CCNI: variants seen among roughly 807,000 people sequenced by gnomAD.
CCNI encodes cyclin-I.
CCNI carries 14 observed loss-of-function variants against 34.1 expected under a neutral mutation model. That is an observed-to-expected ratio of 0.41 (90% CI 0.27 to 0.64). The LOEUF (loss-of-function observed/expected upper bound fraction) is 0.64. Among genes scored for constraint, CCNI ranks in the 30% least tolerant of loss-of-function variants. CCNI has a pLI of 0.31. For missense variants in CCNI, 385 were observed against 440.5 expected (o/e 0.87, Z 1.13); for synonymous variants, 154 against 158.4 (o/e 0.97, Z 0.21).
rs974037239 is a variant in CCNI, at chr4:77,075,975, A to G, written c.-547T>C. ...GCGCTGCCGCGTCCGCTCGCGGGGAAGGCTGGGGAGGGAGGGGAAGAGAGG... is the reference window on the plus strand; with the variant it reads ...GCGCTGCCGCGTCCGCTCGCGGGGAGGGCTGGGGAGGGAGGGGAAGAGAGG... On this transcript the variant is annotated 5_prime_UTR_variant, in exon 1 of 7. Transcript: ENST00000237654. 1 of 149,282 alleles carries G rather than the reference A, an allele frequency of 6.7e-6. No individual in the cohort carries two copies. Among genetic ancestry groups the G allele is most frequent in the Non-Finnish European group, 1.5e-5 (1 of 67,310 alleles). 9.2% of individuals were successfully genotyped at this position (149,282 alleles called of 1,614,324 possible).
At chr4:77,071,267 G>A (rs1314352312) in intron 1 of CCNI, among the ~76,000 whole-genome samples, 1 of 152,082 alleles carries the variant, frequency 6.6e-6, no homozygotes, top group Non-Finnish European at 1.5e-5. Context: ...AAGGTATCTG[G>A]TCAAAGAAGA....
chr4:77,056,870 C>T (rs549512033), intron 3 of CCNI, among the ~76,000 whole-genome samples: 4 of 152,154 alleles, frequency 2.6e-5, no homozygotes, highest in South Asian at 2.1e-4. Flanking sequence ...GGATTACAGG[C>T]GTCAGCCACC....
In CCNI at chr4:77,075,594, G is replaced by C. The variant is rs965508488; in HGVS notation, c.-166C>G. On this transcript the variant is annotated 5_prime_UTR_variant, in exon 1 of 7. Coordinates refer to ENST00000237654, the MANE Select transcript of CCNI (RefSeq NM_006835.3). ...TCATAGGCGCGCGGAGGCGGTGCGC[G>C]CGGGACGACTCGGCCAACTGAGGAG... 1.0e-6 allele frequency: 1 copy of C among 987,812 alleles called. No individual in the cohort carries two copies. Among genetic ancestry groups the C allele is most frequent in the Non-Finnish European group, 1.2e-6 (1 of 830,198 alleles). 61.2% of individuals were successfully genotyped at this position (987,812 alleles called of 1,614,324 possible).
intron 1 of CCNI, among the ~76,000 whole-genome samples, chr4:77,067,724 C>T (rs1451200661): frequency 2.1e-5 from 3 of 141,988 alleles, no homozygotes; most frequent in African/African-American, 8.1e-5. Context: ...CTCACGCAGT[C>T]CTCCTGGCTT....
chr4:77,054,180 A>G (rs1355440226), intron 6 of CCNI, among the ~76,000 whole-genome samples: 1 of 152,186 alleles, frequency 6.6e-6, no homozygotes, highest in Admixed American at 6.5e-5. Context: ...AAGATCAATT[A>G]TAACTTTCTT....
intron 6 of CCNI, among the ~76,000 whole-genome samples, chr4:77,054,670 A>T (rs777740467): frequency 1.4e-4 from 22 of 152,240 alleles, no homozygotes; most frequent in Non-Finnish European, 2.9e-4. Flanking sequence ...TGGAACTGCC[A>T]GGGAAAAACC....
intron 2 of CCNI, 73 bp from the exon 3 acceptor site, chr4:77,058,708 T>G: frequency 7.5e-7 from 1 of 1,334,046 alleles, no homozygotes; most frequent in East Asian, 2.4e-5. Flanking sequence ...GAATTCTCTC[T>G]CATAAAAGGT....
intron 1 of CCNI, among the ~76,000 whole-genome samples, chr4:77,070,397 G>A (rs1729368848): frequency 6.6e-6 from 1 of 150,376 alleles, no homozygotes; most frequent in Non-Finnish European, 1.5e-5. Flanking sequence ...ACTCTTAGGA[G>A]ACTTTCTCAG....
intron 1 of CCNI, among the ~76,000 whole-genome samples, chr4:77,070,707 T>C (rs1014488594): frequency 6.6e-6 from 1 of 152,146 alleles, no homozygotes; most frequent in African/African-American, 2.4e-5. Flanking sequence ...AAACGGAATG[T>C]AGGCCAGGTG....
At chr4:77,055,811 T>C (rs908704990) in intron 5 of CCNI, 151 bp downstream of exon 5, 2 of 651,730 alleles carry the variant, frequency 3.1e-6, no homozygotes, top group Non-Finnish European at 5.1e-6. Context: ...TTCAGTGATA[T>C]GACATATATA....
intron 1 of CCNI, chr4:77,074,870 A>C (rs972894737): frequency 2.6e-5 from 4 of 152,212 alleles, no homozygotes; most frequent in Non-Finnish European, 5.9e-5. Flanking sequence ...CCCTAGCTCC[A>C]GCGGAGGCTC....
At position 77,075,560 on chromosome 4, in the gene CCNI, A is replaced by G. The variant is rs566044786; in HGVS notation, c.-132T>C. On this transcript the variant is annotated 5_prime_UTR_variant, in exon 1 of 7. Coordinates refer to ENST00000237654, the MANE Select transcript of CCNI (RefSeq NM_006835.3). ...CGGGGTCATCCGGGGGCCCGTTACC[A>G]CCTCATTCTCATAGGCGCGCGGAGG... 22 of 988,094 alleles carry G rather than the reference A, an allele frequency of 2.2e-5. No homozygotes were observed. The highest frequency in any genetic ancestry group is 1.2e-4 in the Admixed American group (2 of 16,278). The allele number at this position is 988,094 out of a possible 1,614,324, so 61.2% of individuals were successfully genotyped here. A position where few individuals can be genotyped will look rare whatever the true frequency, so the allele number is the denominator to read the frequency against.
intron 6 of CCNI, among the ~76,000 whole-genome samples, chr4:77,050,314 T>C (rs1259911118): frequency 6.6e-6 from 1 of 152,192 alleles, no homozygotes. Context: ...GTCTTACTTA[T>C]CCTCATATAA....
At chr4:77,055,889 A>G in intron 5 of CCNI, 73 bp downstream of exon 5, 1 of 1,218,250 alleles carries the variant, frequency 8.2e-7, no homozygotes, top group African/African-American at 1.5e-5. Context: ...ATAAATGAGT[A>G]GGCAATCTAT....
At chr4:77,075,394 G>A (rs1265872630) in intron 1 of CCNI, 78 bp downstream of exon 1, 10 of 499,380 alleles carry the variant, frequency 2.0e-5, no homozygotes, top group Non-Finnish European at 2.6e-5. Flanking sequence ...GGCGGCGCGG[G>A]GGGAGCAGCG....
intron 6 of CCNI, 36 bp from the exon 7 acceptor site, chr4:77,048,698 A>T (rs4252948): frequency 4.2e-5 from 61 of 1,459,418 alleles, no homozygotes; most frequent in Non-Finnish European, 5.6e-5. Flanking sequence ...CACACAGTTG[A>T]TCATTAATTA....
chr4:77,052,351 T>A (rs1727915239), intron 6 of CCNI, among the ~76,000 whole-genome samples: 1 of 152,182 alleles, frequency 6.6e-6, no homozygotes, highest in Admixed American at 6.5e-5. Context: ...GTACTTTGAC[T>A]ACTGCCCAGC....
At chr4:77,061,206 C>T (rs1476798340) in intron 2 of CCNI, among the ~76,000 whole-genome samples, 1 of 152,206 alleles carries the variant, frequency 6.6e-6, no homozygotes, top group Non-Finnish European at 1.5e-5. Context: ...TGAAGTAATA[C>T]TGAGTCTAAG....
intron 6 of CCNI, among the ~76,000 whole-genome samples, chr4:77,049,625 G>C (rs187907552): frequency 6.6e-6 from 1 of 151,576 alleles, no homozygotes; most frequent in East Asian, 1.9e-4. Context: ...TTGCAGTGAG[G>C]TGAGATCAAA....
Sources: allele counts gnomAD v4.1 joint callset (sites outside exome capture counted in the v4.1 genomes callset), GRCh38; gene constraint gnomAD v4.1.1; transcripts MANE v1.5; gene names NCBI Gene and HGNC (gene_info 2026-07-23, HGNC 2026-07-21).